Variants in UNC5D observed in about 807,000 individuals in gnomAD.
The protein encoded by UNC5D is netrin receptor UNC5D.
Under a neutral mutation model 105.4 loss-of-function variants are expected in UNC5D, and 39 were observed. That is an observed-to-expected ratio of 0.37 (90% CI 0.29 to 0.48). The LOEUF is 0.48. Ranked by LOEUF, UNC5D falls within the 20% of genes least tolerant of loss-of-function variation. UNC5D has a pLI of 0.98. For missense variants in UNC5D, 991 were observed against 1,202.4 expected (o/e 0.82, Z 2.60); for synonymous variants, 452 against 450.4 (o/e 1.00, Z -0.04).
At position 35,439,227 on chromosome 8, in the gene UNC5D, A is replaced by G. The variant is rs534993707; in HGVS notation, c.104-110065A>G. On this transcript the variant is annotated intron_variant, in intron 1 of 16. Transcript: ENST00000404895. ...GTCATTCTCATCATCATGTCTGTGT[A>G]TGATGCCTGCATTCTGCAAGCTGAT... 7.9e-5 allele frequency among the ~76,000 whole-genome samples: 12 copies of G among 152,130 alleles called. No homozygotes were observed. In the East Asian group the frequency reaches 2.1e-3, roughly 27 times the overall value.
chr8:35,625,724 G>C (rs1465967477), intron 4 of UNC5D, among the ~76,000 whole-genome samples: 1 of 152,118 alleles, frequency 6.6e-6, no homozygotes, highest in Non-Finnish European at 1.5e-5. Context: ...TATAGATCTT[G>C]GTTTTTATGT....
intron 1 of UNC5D, among the ~76,000 whole-genome samples, chr8:35,333,518 G>A (rs986213249): frequency 4.6e-5 from 7 of 151,894 alleles, no homozygotes; most frequent in Admixed American, 1.3e-4. Flanking sequence ...AGGGAGTTTC[G>A]CCCCAGGCTG....
intron 1 of UNC5D, among the ~76,000 whole-genome samples, chr8:35,261,661 C>T (rs1036899955): frequency 4.0e-5 from 6 of 151,780 alleles, no homozygotes; most frequent in African/African-American, 9.7e-5. Flanking sequence ...GTGTATTTCA[C>T]GGAGGCTCAT....
At chr8:35,580,842 G>A (rs1020578201) in intron 3 of UNC5D, among the ~76,000 whole-genome samples, 1 of 152,188 alleles carries the variant, frequency 6.6e-6, no homozygotes, top group Non-Finnish European at 1.5e-5. Context: ...ACAATAGCTA[G>A]AGTTAATGAT....
At chr8:35,299,385 C>T (rs12216854) in intron 1 of UNC5D, among the ~76,000 whole-genome samples, 124,725 of 152,142 alleles carry the variant, frequency 0.82, 51,592 homozygotes, top group East Asian at 1. Flanking sequence ...ATAAGGGCTT[C>T]GTTTCACAGG....
Position 35,248,313 on chromosome 8 carries a change from A to G in UNC5D, c.103+12426A>G, listed in dbSNP as rs1215104432. ...ATGTTATATAAAATATATAATATATAAATATATGTTATATAAAATATATAA... is the reference window on the plus strand; with the variant it reads ...ATGTTATATAAAATATATAATATATGAATATATGTTATATAAAATATATAA... On this transcript the variant is annotated intron_variant, in intron 1 of 16. Coordinates refer to ENST00000404895, the MANE Select transcript of UNC5D (RefSeq NM_080872.4). 3.7e-3 allele frequency among the ~76,000 whole-genome samples: 418 copies of G among 112,050 alleles called. 23 individuals are homozygous for G. Among genetic ancestry groups the G allele is most frequent in the African/African-American group, 0.017 (405 of 23,942 alleles). 73.5% of individuals were successfully genotyped at this position (112,050 alleles called of 152,430 possible). A position where few individuals can be genotyped will look rare whatever the true frequency, so the allele number is the denominator to read the frequency against.
chr8:35,317,018 C>G (rs549917204), intron 1 of UNC5D, among the ~76,000 whole-genome samples: 16 of 152,134 alleles, frequency 1.1e-4, no homozygotes, highest in African/African-American at 3.6e-4. Context: ...TGAGTGAATG[C>G]TAGCATTTTG....
intron 4 of UNC5D, among the ~76,000 whole-genome samples, chr8:35,607,619 C>A (rs1165848176): frequency 1.3e-5 from 2 of 152,114 alleles, no homozygotes; most frequent in Admixed American, 6.6e-5. Flanking sequence ...CAGTTTCCCC[C>A]ATGCTGGTCT....
At chr8:35,752,848 T>C (rs557983714) in intron 13 of UNC5D, among the ~76,000 whole-genome samples, 1 of 152,342 alleles carries the variant, frequency 6.6e-6, no homozygotes, top group Non-Finnish European at 1.5e-5. Flanking sequence ...GGAGTAACCA[T>C]GGAGCATCAT....
intron 1 of UNC5D, among the ~76,000 whole-genome samples, chr8:35,486,314 G>C (rs1482030807): frequency 6.6e-6 from 1 of 152,104 alleles, no homozygotes; most frequent in Non-Finnish European, 1.5e-5. Context: ...TGTCTAATGG[G>C]ATCCATCCTC....
At chr8:35,343,244 T>C (rs970727272) in intron 1 of UNC5D, among the ~76,000 whole-genome samples, 1 of 152,104 alleles carries the variant, frequency 6.6e-6, no homozygotes, top group African/African-American at 2.4e-5. Context: ...TTCTTTCCTG[T>C]CTCAGATTTG....
intron 1 of UNC5D, among the ~76,000 whole-genome samples, chr8:35,420,335 C>T (rs571153371): frequency 1.3e-5 from 2 of 152,224 alleles, no homozygotes; most frequent in East Asian, 3.9e-4. Context: ...GATTTAAGAA[C>T]AAGATCTGCC....
At chr8:35,278,057 C>T (rs1250221707) in intron 1 of UNC5D, among the ~76,000 whole-genome samples, 1 of 152,174 alleles carries the variant, frequency 6.6e-6, no homozygotes, top group Admixed American at 6.5e-5. Flanking sequence ...TAGCCTCCCC[C>T]TTCCTTTCCT....
intron 4 of UNC5D, among the ~76,000 whole-genome samples, chr8:35,604,132 G>C (rs571479427): frequency 2.0e-5 from 3 of 152,016 alleles, no homozygotes; most frequent in African/African-American, 4.8e-5. Flanking sequence ...CAGTTTCTTC[G>C]TAGCCTTGAG....
chr8:35,638,463 T>C (rs1822517731), intron 4 of UNC5D, among the ~76,000 whole-genome samples: 1 of 151,998 alleles, frequency 6.6e-6, no homozygotes, highest in Admixed American at 6.6e-5. Flanking sequence ...TTTTTTTATG[T>C]GTAGTTGTTT....
chr8:35,667,723 T>C (rs2131261565), intron 4 of UNC5D, among the ~76,000 whole-genome samples: 1 of 152,336 alleles, frequency 6.6e-6, no homozygotes, highest in East Asian at 1.9e-4. Context: ...GAACAGTTTG[T>C]TGATCTGCTT....
intron 1 of UNC5D, among the ~76,000 whole-genome samples, chr8:35,406,136 A>G (rs1420299055): frequency 6.6e-6 from 1 of 152,202 alleles, no homozygotes; most frequent in African/African-American, 2.4e-5. Flanking sequence ...CAAACGGGAT[A>G]GACTAGCGAT....
intron 1 of UNC5D, among the ~76,000 whole-genome samples, chr8:35,506,045 A>C (rs1247157879): frequency 6.6e-6 from 1 of 152,208 alleles, no homozygotes; most frequent in Non-Finnish European, 1.5e-5. Flanking sequence ...TTAAGCTTGA[A>C]GTGGTGGGAA....
At position 35,784,605 on chromosome 8, in the gene UNC5D, G is replaced by T. The variant is rs916163366; in HGVS notation, c.2658-5754G>T. Among the ~76,000 whole-genome samples, 26 of 151,884 alleles carry T rather than the reference G, an allele frequency of 1.7e-4. 1 individual carries two copies. ...TCTACTAAAAGTACAAAAATTAGCT[G>T]GGCATGGTGGCACACACCTGTAATC... On this transcript the variant is annotated intron_variant, in intron 16 of 16. Transcript: ENST00000404895.
Sources: allele counts gnomAD v4.1 joint callset (sites outside exome capture counted in the v4.1 genomes callset), GRCh38; gene constraint gnomAD v4.1.1; transcripts MANE v1.5; gene names NCBI Gene and HGNC (gene_info 2026-07-23, HGNC 2026-07-21).